SPART: variants seen among roughly 807,000 people sequenced by gnomAD.
SPART encodes the protein spartin.
A neutral mutation model predicts 58.7 loss-of-function variants in SPART; 35 were observed. The observed-to-expected ratio is 0.60, with a 90% CI of 0.46 to 0.79. The LOEUF is 0.79. Among genes scored for constraint, SPART ranks in the 30% least tolerant of loss-of-function variants. SPART has a pLI of 0.00. For synonymous variants in SPART, 284 were observed against 280.7 expected (o/e 1.01, Z -0.12); for missense variants, 730 against 786.1 (o/e 0.93, Z 0.85).
intron 5 of SPART, 105 bp from the exon 6 acceptor site, chr13:36,314,526 T>G: frequency 8.9e-7 from 1 of 1,127,744 alleles, no homozygotes; most frequent in Non-Finnish European, 1.3e-6. Flanking sequence ...AGTTTGATAT[T>G]CAGATGCTAA....
chr13:36,304,715 T>A (rs1880333141), intron 8 of SPART, 83 bp from the exon 9 acceptor site: 1 of 1,441,374 alleles, frequency 6.9e-7, no homozygotes, highest in Admixed American at 2.1e-5. Flanking sequence ...ATAAGTCAAA[T>A]GATTACTGTG....
chr13:36,323,731 T>C (rs1882648344), intron 5 of SPART, among the ~76,000 whole-genome samples: 1 of 152,218 alleles, frequency 6.6e-6, no homozygotes, highest in South Asian at 2.1e-4. Flanking sequence ...CTACTCGTTC[T>C]ACCTATTAAA....
intron 1 of SPART, among the ~76,000 whole-genome samples, chr13:36,343,592 G>A (rs1395034715): frequency 3.9e-5 from 6 of 152,040 alleles, no homozygotes; most frequent in Non-Finnish European, 8.8e-5. Flanking sequence ...ATTATTTGGG[G>A]GTTCACAAGC....
intron 1 of SPART, among the ~76,000 whole-genome samples, chr13:36,355,486 AG>A (rs1237395215): frequency 6.6e-6 from 1 of 152,228 alleles, no homozygotes; most frequent in African/African-American, 2.4e-5. Context: ...GGAAAGGGAC[AG>A]CTATTTTCAG....
intron 5 of SPART, among the ~76,000 whole-genome samples, chr13:36,317,512 C>A (rs1190927272): frequency 9.7e-5 from 4 of 41,208 alleles, no homozygotes; most frequent in African/African-American, 3.5e-4. Flanking sequence ...GTGCCCCGAC[C>A]CCTTATTTCC....
At chr13:36,356,884 A>C (rs1398082981) in intron 1 of SPART, among the ~76,000 whole-genome samples, 1 of 151,960 alleles carries the variant, frequency 6.6e-6, no homozygotes, top group Non-Finnish European at 1.5e-5. Context: ...AATTTGTAAA[A>C]TATTTCATAT....
chr13:36,321,446 T>C (rs1215485427), intron 5 of SPART, among the ~76,000 whole-genome samples: 1 of 152,196 alleles, frequency 6.6e-6, no homozygotes, highest in Non-Finnish European at 1.5e-5. Flanking sequence ...TTTTTCTCCT[T>C]CTGTTATTCC....
chr13:36,308,493 T>G (rs1003967011), intron 8 of SPART: 2 of 152,134 alleles, frequency 1.3e-5, no homozygotes, highest in East Asian at 1.9e-4. Context: ...TAGAAATAAA[T>G]GAGCTGAGAA....
chr13:36,336,144 C>T, intron 1 of SPART: 1 of 245,452 alleles, frequency 4.1e-6, no homozygotes, highest in Non-Finnish European at 7.9e-6. Flanking sequence ...TCCTATCATA[C>T]ATCCTTATGG....
At chr13:36,336,571 T>G (rs182343461) in intron 1 of SPART, among the ~76,000 whole-genome samples, 2 of 152,272 alleles carry the variant, frequency 1.3e-5, no homozygotes, top group East Asian at 3.9e-4. Flanking sequence ...TGAAGACAAG[T>G]GGAACTCTTC....
chr13:36,344,711 A>C (rs984514226), intron 1 of SPART, among the ~76,000 whole-genome samples: 1 of 152,216 alleles, frequency 6.6e-6, no homozygotes, highest in Admixed American at 6.5e-5. Context: ...AGCACAATTA[A>C]GTGTCAATCA....
intron 1 of SPART, among the ~76,000 whole-genome samples, chr13:36,356,069 T>C (rs556913076): frequency 2.9e-4 from 44 of 152,302 alleles, no homozygotes; most frequent in African/African-American, 1.0e-3. Context: ...CAAAGGAATG[T>C]GGAGAGTTTA....
intron 2 of SPART, among the ~76,000 whole-genome samples, chr13:36,333,096 C>T (rs1883614298): frequency 6.6e-6 from 1 of 150,872 alleles, no homozygotes; most frequent in African/African-American, 2.4e-5. Flanking sequence ...TGCAATATCA[C>T]CAAATTGTCT....
At chr13:36,350,019 G>C (rs574652809), upstream of SPART, among the ~76,000 whole-genome samples, 10 of 152,298 alleles carry the variant, frequency 6.6e-5, no homozygotes, top group Admixed American at 2.6e-4. Context: ...TAGGCCAAAG[G>C]GGTGCTTGAG....
chr13:36,350,979 T>C (rs539504021), upstream of SPART, among the ~76,000 whole-genome samples: 1 of 152,316 alleles, frequency 6.6e-6, no homozygotes, highest in East Asian at 1.9e-4. Flanking sequence ...TCAAATATTT[T>C]TACATCACAT....
intron 5 of SPART, among the ~76,000 whole-genome samples, chr13:36,316,564 C>G (rs1282244799): frequency 1.3e-5 from 2 of 152,088 alleles, no homozygotes; most frequent in Non-Finnish European, 2.9e-5. Flanking sequence ...CACTGAGCAC[C>G]TTGCGACCCC....
chr13:36,339,985 T>C (rs1406830780), intron 1 of SPART, among the ~76,000 whole-genome samples: 2 of 152,036 alleles, frequency 1.3e-5, no homozygotes, highest in African/African-American at 4.8e-5. Flanking sequence ...GGAGAATCAC[T>C]TGAGTGCAGG....
At chr13:36,342,136 TAC>T (rs1884639187) in intron 1 of SPART, among the ~76,000 whole-genome samples, 1 of 152,218 alleles carries the variant, frequency 6.6e-6, no homozygotes, top group Non-Finnish European at 1.5e-5. Flanking sequence ...TTGTGCTACA[TAC>T]GATAGGACAC....
At chr13:36,314,077 G>A (rs1881415690) in intron 6 of SPART, 150 bp downstream of exon 6, 1 of 764,162 alleles carries the variant, frequency 1.3e-6, no homozygotes. Flanking sequence ...TGGTCCGCAG[G>A]TCTCACTATG....
Sources: gnomAD v4.1 joint callset for allele counts (sites outside exome capture counted in the v4.1 genomes callset) on GRCh38, gnomAD v4.1.1 for gene constraint, MANE v1.5 for transcripts, NCBI Gene and HGNC (gene_info 2026-07-23, HGNC 2026-07-21) for gene names.